Variants in DNAAF1 observed in about 807,000 individuals in gnomAD.
The protein encoded by DNAAF1 is dynein assembly factor 1, axonemal.
DNAAF1 carries 65 observed loss-of-function variants against 71.1 expected under a neutral mutation model. That is an observed-to-expected ratio of 0.91 (90% CI 0.75 to 1.12). The LOEUF is 1.12. DNAAF1 is among the 50% of genes most tolerant of loss of function. The pLI is 0.00. For missense variants in DNAAF1, 1,178 were observed against 899.8 expected, an observed-to-expected ratio of 1.31 and a Z score of -3.96; for synonymous variants, 414 against 354.6, an observed-to-expected ratio of 1.17 and a Z score of -1.88.
At chr16:84,163,173 G>A (rs1157840239) in intron 6 of DNAAF1, among the ~76,000 whole-genome samples, 4 of 152,112 alleles carry the variant, frequency 2.6e-5, no homozygotes, top group Admixed American at 2.0e-4. Context: ...GTGGACAGCT[G>A]TTGTCTTCTC....
At chr16:84,165,996 A>G in intron 7 of DNAAF1, 47 bp downstream of exon 7, 1 of 1,578,858 alleles carries the variant, frequency 6.3e-7, no homozygotes, top group Non-Finnish European at 8.6e-7. Context: ...CTTTGAGATT[A>G]GGCAAGTCTA....
chr16:84,175,869 T>G, intron 10 of DNAAF1, 64 bp from the exon 11 acceptor site: 1 of 1,579,850 alleles, frequency 6.3e-7, no homozygotes, highest in Admixed American at 1.7e-5. Context: ...ACTGGCATGG[T>G]GCATTGTAGA....
Position 84,159,960 on chromosome 16 carries a change from C to T in DNAAF1, c.863+164C>T, listed in dbSNP as rs540193087. 6.2e-5 allele frequency among the ~76,000 whole-genome samples: 9 copies of T among 144,996 alleles called. No individual in the cohort carries two copies. In the South Asian group the frequency reaches 1.9e-3, roughly 31 times the overall value. On this transcript the variant is annotated intron_variant, in intron 6 of 11. Transcript: ENST00000378553. ...TAATTGACTATAATGGGAATTTGAG[C>T]ACTTATTCATAGATTTTTTTATATT...
intron 5 of DNAAF1, among the ~76,000 whole-genome samples, chr16:84,159,454 C>T (rs1044901003): frequency 2.0e-5 from 3 of 152,150 alleles, no homozygotes; most frequent in African/African-American, 7.2e-5. Flanking sequence ...ATCTGAAGTT[C>T]ATGTGGAAGA....
At chr16:84,166,225 G>T (rs936160211) in intron 7 of DNAAF1, among the ~76,000 whole-genome samples, 26 of 151,700 alleles carry the variant, frequency 1.7e-4, no homozygotes, top group Admixed American at 1.6e-3. Flanking sequence ...GCTAGTTTTT[G>T]TATTTTTAGT....
At chr16:84,174,278 G>C in intron 9 of DNAAF1, 2 of 1,082,480 alleles carry the variant, frequency 1.8e-6, no homozygotes, top group Non-Finnish European at 2.3e-6. Context: ...CAAGTTTTGG[G>C]GAGGTACAAA....
Position 84,175,135 on chromosome 16 carries a change from C to T in DNAAF1, c.1698+413C>T, listed in dbSNP as rs1053243178. The T allele has an allele frequency of 1.0e-4, 26 of 259,932 alleles. 1 individual carries two copies. Among genetic ancestry groups the T allele is most frequent in the East Asian group, 9.5e-4 (10 of 10,472 alleles). 16.1% of individuals were successfully genotyped at this position (259,932 alleles called of 1,614,324 possible). A position where few individuals can be genotyped will look rare whatever the true frequency, so the allele number is the denominator to read the frequency against. Reference sequence around the variant, plus strand: ...CCTCCCAAAGTGCTGGGATTACAGGCGTGAGCCACCGCACCCAGCCCACAT... The same window carrying T: ...CCTCCCAAAGTGCTGGGATTACAGGTGTGAGCCACCGCACCCAGCCCACAT... On this transcript the variant is annotated intron_variant, in intron 10 of 11. Coordinates refer to ENST00000378553, the MANE Select transcript of DNAAF1 (RefSeq NM_178452.6).
rs1331796070 is a variant in DNAAF1, at chr16:84,169,949, A to T, written c.1121A>T (p.Lys374Met). The change falls in exon 8 of 12, where the codon AAG (lysine) becomes ATG (methionine). Residue 374 changes from lysine to methionine, a missense_variant. Transcript: ENST00000378553. ...EPPGDRETRQ[K>M]MELFVKESFE... The stretch of plus-strand genomic sequence containing the variant: ...CCCGGGGACAGAGAAACAAGGCAGA[A>T]GATGGAGCTATTTGTTAAGGAAAGC... 1.2e-6 allele frequency: 2 copies of T among 1,614,166 alleles called. No homozygotes were observed. The highest frequency in any genetic ancestry group is 1.7e-6 in the Non-Finnish European group (2 of 1,180,046).
chr16:84,150,377 G>C, intron 3 of DNAAF1, 35 bp downstream of exon 3: 1 of 1,487,522 alleles, frequency 6.7e-7, no homozygotes, highest in African/African-American at 1.4e-5. Flanking sequence ...TTCACGTCAG[G>C]TGGAAAGATT....
At chr16:84,171,110 G>C (rs1048954399) in intron 8 of DNAAF1, among the ~76,000 whole-genome samples, 1 of 152,134 alleles carries the variant, frequency 6.6e-6, no homozygotes, top group Admixed American at 6.5e-5. Flanking sequence ...GGAGGGATCA[G>C]AGCACAGGAC....
At chr16:84,165,421 A>G (rs2087923640) in intron 6 of DNAAF1, among the ~76,000 whole-genome samples, 1 of 152,080 alleles carries the variant, frequency 6.6e-6, no homozygotes, top group African/African-American at 2.4e-5. Flanking sequence ...CCTGGGCTCA[A>G]GTGGTCCTCC....
At chr16:84,161,739 A>G (rs534393339) in intron 6 of DNAAF1, among the ~76,000 whole-genome samples, 2 of 151,734 alleles carry the variant, frequency 1.3e-5, no homozygotes, top group South Asian at 4.2e-4. Context: ...GTCATCTAGG[A>G]TGCAGCAGGT....
At chr16:84,155,013 A>G (rs113830113) in intron 4 of DNAAF1, among the ~76,000 whole-genome samples, 10 of 151,046 alleles carry the variant, frequency 6.6e-5, no homozygotes, top group African/African-American at 2.4e-4. Context: ...GGTTCATGCC[A>G]TTCTCCTGCC....
chr16:84,175,775 C>A, intron 10 of DNAAF1, 158 bp from the exon 11 acceptor site: 2 of 915,944 alleles, frequency 2.2e-6, no homozygotes, highest in African/African-American at 3.2e-5. Flanking sequence ...CACCCCCAGG[C>A]CTAACTTTCA....
chr16:84,155,054 A>G (rs540036156), intron 4 of DNAAF1, among the ~76,000 whole-genome samples: 81 of 152,022 alleles, frequency 5.3e-4, no homozygotes, highest in East Asian at 2.5e-3. Context: ...GACTACAGGC[A>G]CCCACCACCA....
intron 6 of DNAAF1, 126 bp downstream of exon 6, chr16:84,159,922 C>T: frequency 2.7e-6 from 3 of 1,092,062 alleles, no homozygotes; most frequent in Non-Finnish European, 4.0e-6. Flanking sequence ...TGGAAATAGG[C>T]TTGATGGCTA....
intron 2 of DNAAF1, among the ~76,000 whole-genome samples, chr16:84,149,936 A>G (rs1182730157): frequency 1.3e-5 from 2 of 150,346 alleles, no homozygotes; most frequent in South Asian, 2.1e-4. Flanking sequence ...GAGGCAGGAG[A>G]ATCGCTTGAA....
At position 84,176,278 on chromosome 16, in the gene DNAAF1, T is replaced by G; in HGVS notation, c.2044T>G (p.Phe682Val). ...TTCCAGTGGAGACAGGGACAGCGAC[T>G]TCCTTGCAGCCTCTTCTCCGGGTAA... Reference protein sequence around the residue: ...LTSSGDRDSDFLAASSPVPTE... With the variant: ...LTSSGDRDSDVLAASSPVPTE... The change falls in exon 11 of 12, where the codon TTC becomes GTC. Residue 682 changes from phenylalanine to valine, a missense_variant. Transcript: ENST00000378553. The G allele has an allele frequency of 6.2e-7, 1 of 1,613,504 alleles. No individual in the cohort carries two copies. Among genetic ancestry groups the G allele is most frequent in the Non-Finnish European group, 8.5e-7 (1 of 1,180,000 alleles).
At position 84,170,161 on chromosome 16, in the gene DNAAF1, G is replaced by C. The variant is rs953456942; in HGVS notation, c.1333G>C (p.Glu445Gln). The C allele has an allele frequency of 6.3e-7, 1 of 1,585,518 alleles. No homozygotes were observed. The highest frequency in any genetic ancestry group is 8.6e-7 in the Non-Finnish European group (1 of 1,162,386). Residue 445 changes from glutamate (E) to glutamine (Q), a missense_variant, in exon 8 of 12, where the codon GAG (glutamate) becomes CAG (glutamine). By Grantham distance (29) the Glu-to-Gln change is conservative (BLOSUM62 2). Coordinates refer to ENST00000378553, the MANE Select transcript of DNAAF1 (RefSeq NM_178452.6). Reference protein sequence around the residue: ...DGEPEGTLPAEAPPPPPPVEV... With the variant: ...DGEPEGTLPAQAPPPPPPVEV... Reference sequence around the variant, plus strand: ...AGAGCCAGAGGGGACCCTCCCAGCTGAGGCCCCACCACCCCCGCCACCTGT... The same window carrying C: ...AGAGCCAGAGGGGACCCTCCCAGCTCAGGCCCCACCACCCCCGCCACCTGT...
Sources: gnomAD v4.1 joint callset for allele counts (sites outside exome capture counted in the v4.1 genomes callset) on GRCh38, gnomAD v4.1.1 for gene constraint, MANE v1.5 for transcripts, NCBI Gene and HGNC (gene_info 2026-07-23, HGNC 2026-07-21) for gene names.